DGKG: variants seen among roughly 807,000 people sequenced by gnomAD.
DGKG encodes the protein DAG kinase gamma.
DGKG carries 78 observed loss-of-function variants against 105.3 expected under a neutral mutation model. The ratio of observed to expected loss-of-function variants is 0.74; its 90% confidence interval spans 0.62 to 0.89. The LOEUF is 0.89. Among genes scored for constraint, DGKG ranks in the 40% least tolerant of loss-of-function variants. The probability of loss-of-function intolerance (pLI) is 0.00; values close to 1 mark genes in which losing one functional copy is unlikely to be tolerated. For synonymous variants in DGKG, 346 were observed against 367.1 expected (o/e 0.94, Z 0.66); for missense variants, 958 against 1,020.1 (o/e 0.94, Z 0.83).
intron 2 of DGKG, among the ~76,000 whole-genome samples, chr3:186,310,756 C>T (rs911560173): frequency 6.6e-6 from 1 of 152,174 alleles, no homozygotes; most frequent in Non-Finnish European, 1.5e-5. Flanking sequence ...TCCATTTCTG[C>T]CTGTAGAAAA....
At chr3:186,346,794 A>AT (rs1168562415) in intron 1 of DGKG, among the ~76,000 whole-genome samples, 4 of 152,070 alleles carry the variant, frequency 2.6e-5, no homozygotes, top group East Asian at 1.9e-4. Flanking sequence ...ATTTTAATAG[A>AT]TTTTTTCATT....
At position 186,284,486 on chromosome 3, in the gene DGKG, C is replaced by T. The variant is rs557026249; in HGVS notation, c.594+174G>A. Reference sequence around the variant, plus strand: ...AGTTGGCATTCACGCTCTGCAAGGCCGGCCCTTTGGAAATAGCGGGTGGAG... The same window carrying T: ...AGTTGGCATTCACGCTCTGCAAGGCTGGCCCTTTGGAAATAGCGGGTGGAG... On this transcript the variant is annotated intron_variant, in intron 7 of 24. Transcript: ENST00000265022. This position sits in a 1 kb window ranked among gnomAD's most constrained non-coding sequence, Gnocchi z 4.0. Among the ~76,000 whole-genome samples, 18 of 152,114 alleles carry T rather than the reference C, an allele frequency of 1.2e-4. No homozygotes were observed. The highest frequency in any genetic ancestry group is 2.1e-4 in the Non-Finnish European group (14 of 68,020).
chr3:186,186,607 T>TAA (rs1717648676), intron 22 of DGKG, among the ~76,000 whole-genome samples: 5 of 152,352 alleles, frequency 3.3e-5, no homozygotes, highest in Admixed American at 3.3e-4. Flanking sequence ...ATATTGTTTT[T>TAA]ACAGTAAAGA....
At chr3:186,344,000 C>T (rs1726209180) in intron 1 of DGKG, among the ~76,000 whole-genome samples, 1 of 152,068 alleles carries the variant, frequency 6.6e-6, no homozygotes, top group Non-Finnish European at 1.5e-5. Context: ...TCTTTAAAAT[C>T]CATCTCTTGC....
rs75810678 is a variant in DGKG at position 186,204,870 on chromosome 3, G to A, written c.1917+6925C>T. On this transcript the variant is annotated intron_variant, in intron 21 of 24. Coordinates refer to ENST00000265022, the MANE Select transcript of DGKG (RefSeq NM_001346.3). ...CCGCTCTCCAAAGTGGCTTACCACT[G>A]ATGTTCCCACCAGCAGTGTCTGAGA... 2.3e-3 allele frequency among the ~76,000 whole-genome samples: 349 copies of A among 152,236 alleles called. 1 individual carries two copies. The highest frequency in any genetic ancestry group is 4.8e-3 in the Admixed American group (74 of 15,298).
intron 1 of DGKG, among the ~76,000 whole-genome samples, chr3:186,351,850 T>C (rs560507430): frequency 6.6e-6 from 1 of 152,354 alleles, no homozygotes; most frequent in East Asian, 1.9e-4. Flanking sequence ...TTAGAGAAAC[T>C]GTAATGCACA....
At chr3:186,225,340 C>G (rs1169776221) in intron 20 of DGKG, among the ~76,000 whole-genome samples, 1 of 152,110 alleles carries the variant, frequency 6.6e-6, no homozygotes, top group Admixed American at 6.5e-5. Flanking sequence ...CCCATTCATT[C>G]TCTCCTTTGG....
In DGKG at chr3:186,298,100, T is replaced by C; in HGVS notation, c.274A>G (p.Thr92Ala). ...KPRHETSDHPTEGASNSEANS... is the reference protein window; with the variant it reads ...KPRHETSDHPAEGASNSEANS... ...GCCTCACTGTTGCTGGCTCCCTCCG[T>C]CGGGTGGTCAGAGGTCTCGTGTCTG... The change falls in exon 4 of 25, where the codon ACG (threonine) becomes GCG (alanine). Residue 92 changes from threonine to alanine, a missense_variant. Physicochemically the swap from Thr to Ala is moderately conservative, Grantham distance 58. Coordinates refer to ENST00000265022, the MANE Select transcript of DGKG (RefSeq NM_001346.3). 1 of 1,613,638 alleles carries C rather than the reference T, an allele frequency of 6.2e-7. No homozygotes were observed.
In DGKG at chr3:186,246,917, C is replaced by T. The variant is rs1317066464; in HGVS notation, c.1762-4349G>A. Reference sequence around the variant, plus strand: ...ACTGAATCAAGGGATTAGCTGTTCACCCGTCCTGTTAAGGCTCATGAAAGC... The same window carrying T: ...ACTGAATCAAGGGATTAGCTGTTCATCCGTCCTGTTAAGGCTCATGAAAGC... On this transcript the variant is annotated intron_variant, in intron 19 of 24. Coordinates refer to ENST00000265022, the MANE Select transcript of DGKG (RefSeq NM_001346.3). 2.0e-5 allele frequency among the ~76,000 whole-genome samples: 3 copies of T among 152,254 alleles called. No homozygotes were observed. The South Asian group carries it at 6.2e-4, about 32-fold the overall frequency.
intron 23 of DGKG, among the ~76,000 whole-genome samples, chr3:186,163,000 C>G (rs902748198): frequency 6.6e-6 from 1 of 152,044 alleles, no homozygotes; most frequent in African/African-American, 2.4e-5. Context: ...CTTTTCTGAC[C>G]TTGGCATATG....
intron 2 of DGKG, among the ~76,000 whole-genome samples, chr3:186,308,388 G>T (rs1179527957): frequency 6.6e-6 from 1 of 152,030 alleles, no homozygotes; most frequent in Admixed American, 6.6e-5. Flanking sequence ...CAATATTGTG[G>T]GTAATTAAGA....
In DGKG at chr3:186,171,855, CT is replaced by C. The variant is rs900954690; in HGVS notation, c.2096-6838del. 3.5e-3 allele frequency among the ~76,000 whole-genome samples: 514 copies of C among 146,442 alleles called. 2 individuals carry two copies. Among genetic ancestry groups the C allele is most frequent in the Middle Eastern group, 0.011 (3 of 282 alleles). ...TTTCTGTCCATTCTCATCCCAGTTG[CT>C]TTTTTTTTTTCCCCCGATATTTGGA... is the stretch of plus-strand genomic sequence containing the variant. On this transcript the variant is annotated intron_variant, in intron 22 of 24. Coordinates refer to ENST00000265022, the MANE Select transcript of DGKG (RefSeq NM_001346.3).
chr3:186,287,026 C>A (rs1224959017), intron 6 of DGKG, among the ~76,000 whole-genome samples: 1 of 55,138 alleles, frequency 1.8e-5, no homozygotes, highest in Non-Finnish European at 3.6e-5. Context: ...AAGAGCAAAA[C>A]TCCATCTCAA....
chr3:186,154,536 T>C (rs34760047), intron 24 of DGKG, among the ~76,000 whole-genome samples: 2,612 of 151,514 alleles, frequency 0.017, 26 homozygotes, highest in Non-Finnish European at 0.027. Context: ...TTCCAGCTAC[T>C]TGGGAGGCCA....
At chr3:186,161,559 A>C (rs772032337) in intron 24 of DGKG, 44 bp downstream of exon 24, 6 of 1,613,914 alleles carry the variant, frequency 3.7e-6, no homozygotes, top group Non-Finnish European at 4.2e-6. Context: ...AAGGGCTCAA[A>C]AATAAGGCTT....
At chr3:186,259,392 C>T (rs1156680432) in intron 16 of DGKG, among the ~76,000 whole-genome samples, 1 of 152,204 alleles carries the variant, frequency 6.6e-6, no homozygotes, top group Non-Finnish European at 1.5e-5. Context: ...GTGATGGCAA[C>T]TGCAGTGGTG....
Position 186,284,852 on chromosome 3 carries a change from CAG to C in DGKG, c.545-145_545-144del. The C allele has an allele frequency of 2.9e-6, 2 of 686,932 alleles. No individual in the cohort carries two copies. Among genetic ancestry groups the C allele is most frequent in the East Asian group, 5.4e-5 (2 of 37,024 alleles). The allele number at this position is 686,932 out of a possible 1,614,324, so 42.6% of individuals were successfully genotyped here. On this transcript the variant is annotated intron_variant, in intron 6 of 24. Transcript: ENST00000265022. This position sits in a 1 kb window ranked among gnomAD's most constrained non-coding sequence, Gnocchi z 4.0. Reference sequence around the variant, plus strand: ...AGCCAGCTCTCCCTCCCTCTGAGCACAGAGTCTGACTTCCTTACAGAGAGGCT... The same window carrying C: ...AGCCAGCTCTCCCTCCCTCTGAGCACAGTCTGACTTCCTTACAGAGAGGCT...
intron 21 of DGKG, among the ~76,000 whole-genome samples, chr3:186,202,259 C>T (rs1718505481): frequency 6.6e-6 from 1 of 152,210 alleles, no homozygotes; most frequent in African/African-American, 2.4e-5. Flanking sequence ...TGGTATTTAT[C>T]CAACCCCTTG....
intron 5 of DGKG, among the ~76,000 whole-genome samples, chr3:186,295,638 T>TAAAGAA: frequency 1.2e-5 from 1 of 84,510 alleles, no homozygotes; most frequent in South Asian, 5.4e-4. Context: ...TAATGCACAG[T>TAAAGAA]AAAAAAAAAA....
Sources: gnomAD v4.1 joint callset for allele counts (sites outside exome capture counted in the v4.1 genomes callset) on GRCh38, gnomAD v4.1.1 for gene constraint, Gnocchi (gnomAD v3.1) non-coding constraint, MANE v1.5 for transcripts, NCBI Gene and HGNC (gene_info 2026-07-23, HGNC 2026-07-21) for gene names.